The following FAT3 variants were observed in gnomAD, a reference collection of about 807,000 sequenced individuals.
FAT3 encodes FAT atypical cadherin 3.
A neutral mutation model predicts 310.2 loss-of-function variants in FAT3; 95 were observed. The ratio of observed to expected loss-of-function variants is 0.31; its 90% confidence interval spans 0.26 to 0.36. The LOEUF is 0.36. Ranked by LOEUF, FAT3 falls within the 10% of genes least tolerant of loss-of-function variation. FAT3 has a pLI of 1.00. For synonymous variants in FAT3, 2,314 were observed against 2,192.9 expected (o/e 1.06, Z -1.54); for missense variants, 5,408 against 5,715.6 (o/e 0.95, Z 1.74).
intron 22 of FAT3, among the ~76,000 whole-genome samples, chr11:92,878,113 C>A (rs1028411764): frequency 6.6e-6 from 1 of 152,104 alleles, no homozygotes; most frequent in African/African-American, 2.4e-5. Flanking sequence ...TATGACTGAG[C>A]AGGCTGGCTG....
At chr11:92,343,710 G>A (rs575613963) in intron 1 of FAT3, among the ~76,000 whole-genome samples, 3 of 152,202 alleles carry the variant, frequency 2.0e-5, no homozygotes, top group South Asian at 2.1e-4. Context: ...TTCTTCAGTC[G>A]AAATGTGGGG....
At chr11:92,737,076 A>G (rs568446774) in intron 4 of FAT3, among the ~76,000 whole-genome samples, 11 of 152,256 alleles carry the variant, frequency 7.2e-5, no homozygotes, top group African/African-American at 2.4e-4. Flanking sequence ...GGTGACATCT[A>G]TTTAGAATGT....
At chr11:92,276,806 G>C (rs1431774508) in intron 1 of FAT3, among the ~76,000 whole-genome samples, 1 of 152,182 alleles carries the variant, frequency 6.6e-6, no homozygotes, top group Non-Finnish European at 1.5e-5. Flanking sequence ...GTTTGGGGTA[G>C]TTTGTTATGT....
intron 2 of FAT3, among the ~76,000 whole-genome samples, chr11:92,409,543 T>C (rs1010086695): frequency 6.6e-6 from 1 of 152,194 alleles, no homozygotes; most frequent in Non-Finnish European, 1.5e-5. Context: ...TCATTCATCC[T>C]GTAGAGCACT....
intron 1 of FAT3, among the ~76,000 whole-genome samples, chr11:92,320,316 G>T (rs941601106): frequency 2.6e-5 from 4 of 152,064 alleles, no homozygotes; most frequent in Admixed American, 6.5e-5. Context: ...ATGCAGGAAG[G>T]AGCCCTCCCT....
intron 1 of FAT3, among the ~76,000 whole-genome samples, chr11:92,293,541 TATATATATATAA>T (rs202083527): frequency 0.38 from 26,837 of 70,904 alleles, 3,259 homozygotes; most frequent in Admixed American, 0.43. Flanking sequence ...TATATATATA[TATATATATATAA>T]ATAAAATATA....
Position 92,451,916 on chromosome 11 carries a change from T to A in FAT3, c.3293-72718T>A, listed in dbSNP as rs1951363731. The stretch of plus-strand genomic sequence containing the variant: ...CATCAACTGGTCACATAGGAGTAGA[T>A]GCCTAAACAAGTGCAATGCATGTTT... On this transcript the variant is annotated intron_variant, in intron 2 of 27. Coordinates refer to ENST00000525166, the MANE Select transcript of FAT3 (RefSeq NM_001367949.2). Among the ~76,000 whole-genome samples the A allele has an allele frequency of 1.3e-5, 2 of 152,206 alleles. 1 individual carries two copies. The highest frequency in any genetic ancestry group is 1.3e-4 in the Admixed American group (2 of 15,272).
At chr11:92,330,569 G>T (rs775719812) in intron 1 of FAT3, among the ~76,000 whole-genome samples, 1 of 152,154 alleles carries the variant, frequency 6.6e-6, no homozygotes, top group Non-Finnish European at 1.5e-5. Context: ...TTTGCCCAGG[G>T]TCCCAAGACA....
At chr11:92,660,580 A>G (rs1942748161) in intron 3 of FAT3, among the ~76,000 whole-genome samples, 1 of 152,206 alleles carries the variant, frequency 6.6e-6, no homozygotes, top group African/African-American at 2.4e-5. Flanking sequence ...TGTCTTAAGC[A>G]TGATGGAGTG....
chr11:92,473,860 G>A (rs1951974792), intron 2 of FAT3, among the ~76,000 whole-genome samples: 1 of 152,142 alleles, frequency 6.6e-6, no homozygotes, highest in African/African-American at 2.4e-5. Context: ...AATGATTTTG[G>A]CACTTCATGG....
In FAT3 at chr11:92,799,862, C is replaced by T. The variant is rs370953208; in HGVS notation, c.6849C>T (p.Asn2283=). The T allele has an allele frequency of 1.2e-6, 2 of 1,613,174 alleles. No homozygotes were observed. Among genetic ancestry groups the T allele is most frequent in the South Asian group, 1.1e-5 (1 of 90,920 alleles). The change falls in exon 10 of 28, where the codon AAC becomes AAT. Residue 2283 remains asparagine, a synonymous_variant. Transcript: ENST00000525166. ...VDLLVNDVND[N]PPIFDQPTYN... ...TGCTAGTTAATGATGTAAATGACAA[C>T]CCCCCTATTTTCGATCAGCCTACAT... is the stretch of plus-strand genomic sequence containing the variant.
chr11:92,537,519 G>A (rs867092857), intron 3 of FAT3, among the ~76,000 whole-genome samples: 5 of 152,070 alleles, frequency 3.3e-5, no homozygotes, highest in African/African-American at 1.2e-4. Context: ...TTAGATTGGG[G>A]TAGACACTAG....
intron 3 of FAT3, among the ~76,000 whole-genome samples, chr11:92,637,495 A>G (rs1457648533): frequency 6.6e-6 from 1 of 152,224 alleles, no homozygotes; most frequent in Admixed American, 6.5e-5. Context: ...TTTGCAATGA[A>G]TCATTCCAAA....
chr11:92,744,806 C>G (rs773698623), intron 4 of FAT3, among the ~76,000 whole-genome samples: 13 of 152,060 alleles, frequency 8.5e-5, no homozygotes, highest in Non-Finnish European at 1.9e-4. Context: ...TATTTCTGGG[C>G]CACCAGTTCA....
intron 2 of FAT3, among the ~76,000 whole-genome samples, chr11:92,418,827 TTGG>T (rs1950475208): frequency 6.6e-6 from 1 of 152,172 alleles, no homozygotes; most frequent in Non-Finnish European, 1.5e-5. Context: ...GGGAATTGCC[TTGG>T]TGCTGTTGGT....
chr11:92,643,028 G>C (rs1025928526), intron 3 of FAT3, among the ~76,000 whole-genome samples: 10 of 152,152 alleles, frequency 6.6e-5, no homozygotes, highest in Admixed American at 5.2e-4. Context: ...TCAGCCTCAG[G>C]ATGCTTATCT....
chr11:92,510,502 G>C (rs1953256801), intron 2 of FAT3, among the ~76,000 whole-genome samples: 1 of 152,128 alleles, frequency 6.6e-6, no homozygotes, highest in Non-Finnish European at 1.5e-5. Flanking sequence ...TTGGTGCCTG[G>C]TGCCAACTAC....
chr11:92,470,021 A>T (rs1951867011), intron 2 of FAT3, among the ~76,000 whole-genome samples: 1 of 152,174 alleles, frequency 6.6e-6, no homozygotes, highest in African/African-American at 2.4e-5. Context: ...CCCATGATTA[A>T]TATTTTCATG....
intron 2 of FAT3, among the ~76,000 whole-genome samples, chr11:92,412,746 A>ACATATATAT (rs1591252852): frequency 5.5e-5 from 1 of 18,074 alleles, no homozygotes; most frequent in African/African-American, 2.0e-4. Flanking sequence ...TATATATATA[A>ACATATATAT]ATATACATAC....
Sources: gnomAD v4.1 joint callset for allele counts (sites outside exome capture counted in the v4.1 genomes callset) on GRCh38, gnomAD v4.1.1 for gene constraint, MANE v1.5 for transcripts, NCBI Gene and HGNC (gene_info 2026-07-23, HGNC 2026-07-21) for gene names.